Variants in SORCS3 observed in about 807,000 individuals in gnomAD.
SORCS3 encodes the protein VPS10 domain-containing receptor SorCS3.
A neutral mutation model predicts 146.3 loss-of-function variants in SORCS3; 57 were observed. That is an observed-to-expected ratio of 0.39 (90% CI 0.31 to 0.49). SORCS3 has a LOEUF of 0.49. Ranked by LOEUF, SORCS3 falls within the 20% of genes least tolerant of loss-of-function variation. The pLI is 0.92. For missense variants in SORCS3, 1,341 were observed against 1,575.5 expected, an observed-to-expected ratio of 0.85 and a Z score of 2.52; for synonymous variants, 653 against 618.5, an observed-to-expected ratio of 1.06 and a Z score of -0.83.
chr10:105,185,201 A>G (rs147915510), intron 14 of SORCS3, among the ~76,000 whole-genome samples: 6 of 152,364 alleles, frequency 3.9e-5, no homozygotes, highest in Non-Finnish European at 8.8e-5. Context: ...AACCCCACAT[A>G]TAAGTCTCAC....
intron 1 of SORCS3, among the ~76,000 whole-genome samples, chr10:104,807,431 T>C (rs2017690999): frequency 6.6e-6 from 1 of 152,194 alleles, no homozygotes; most frequent in Admixed American, 6.5e-5. Flanking sequence ...TACCATTTAA[T>C]CATTTCCTTT....
At chr10:105,103,393 A>C (rs1039424418) in intron 6 of SORCS3, among the ~76,000 whole-genome samples, 1 of 152,220 alleles carries the variant, frequency 6.6e-6, no homozygotes, top group African/African-American at 2.4e-5. Context: ...GGCACTCAGC[A>C]ATAGTGGTTG....
At chr10:105,171,060 A>G (rs1035704361) in intron 13 of SORCS3, among the ~76,000 whole-genome samples, 2 of 152,174 alleles carry the variant, frequency 1.3e-5, no homozygotes, top group East Asian at 1.9e-4. Context: ...TAATATTTGA[A>G]TAGGAAAAAG....
chr10:104,751,028 T>C (rs2016976671), intron 1 of SORCS3, among the ~76,000 whole-genome samples: 2 of 124,428 alleles, frequency 1.6e-5, no homozygotes, highest in African/African-American at 5.7e-5. Context: ...TATGGACAAA[T>C]TGGAAGACAT....
chr10:104,973,625 G>C (rs1054971163), intron 3 of SORCS3, among the ~76,000 whole-genome samples: 6 of 149,668 alleles, frequency 4.0e-5, no homozygotes, highest in Non-Finnish European at 8.9e-5. Context: ...TATCAATTTT[G>C]TTGATCCTTT....
intron 1 of SORCS3, among the ~76,000 whole-genome samples, chr10:104,820,039 A>G (rs563326489): frequency 1.4e-4 from 22 of 152,296 alleles, no homozygotes; most frequent in African/African-American, 5.3e-4. Flanking sequence ...ACTTAGTCTT[A>G]AGGAGATTCT....
intron 7 of SORCS3, among the ~76,000 whole-genome samples, chr10:105,106,709 A>G (rs948229957): frequency 6.6e-6 from 1 of 152,132 alleles, no homozygotes; most frequent in Non-Finnish European, 1.5e-5. Flanking sequence ...GTAGCTAGCC[A>G]CTCAAAAACC....
intron 1 of SORCS3, among the ~76,000 whole-genome samples, chr10:104,741,833 C>G (rs1405734665): frequency 6.8e-6 from 1 of 147,844 alleles, no homozygotes; most frequent in Non-Finnish European, 1.5e-5. Context: ...CTAAGACTTT[C>G]TATTTTTTCA....
intron 19 of SORCS3, among the ~76,000 whole-genome samples, chr10:105,218,481 G>C (rs1013271349): frequency 6.6e-6 from 1 of 152,178 alleles, no homozygotes; most frequent in African/African-American, 2.4e-5. Context: ...ATTCTGGTGG[G>C]GAAGTGGGGT....
At chr10:105,166,041 G>C (rs549150980) in intron 12 of SORCS3, among the ~76,000 whole-genome samples, 3 of 152,142 alleles carry the variant, frequency 2.0e-5, no homozygotes, top group Non-Finnish European at 2.9e-5. Flanking sequence ...TAACATTGCA[G>C]ACTCAGAGTC....
chr10:105,215,604 A>G (rs1295897195), intron 18 of SORCS3, among the ~76,000 whole-genome samples: 1 of 152,216 alleles, frequency 6.6e-6, no homozygotes, highest in Non-Finnish European at 1.5e-5. Flanking sequence ...CCAGGACCAC[A>G]GCTATAAAAA....
intron 3 of SORCS3, among the ~76,000 whole-genome samples, chr10:104,917,206 G>T (rs752514910): frequency 2.3e-4 from 35 of 152,090 alleles, no homozygotes; most frequent in Admixed American, 2.2e-3. Flanking sequence ...ACCTGTTATT[G>T]ATTTTATTTG....
At position 104,696,741 on chromosome 10, in the gene SORCS3, ATATT is replaced by A. The variant is rs997354823; in HGVS notation, c.627+54788_627+54791del. Among the ~76,000 whole-genome samples the A allele has an allele frequency of 7.0e-4, 75 of 107,520 alleles. 1 individual carries two copies. The highest frequency in any genetic ancestry group is 3.9e-3 in the Middle Eastern group (1 of 256). The allele number at this position is 107,520 out of a possible 152,430, so 70.5% of individuals were successfully genotyped here. A position where few individuals can be genotyped will look rare whatever the true frequency, so the allele number is the denominator to read the frequency against. On this transcript the variant is annotated intron_variant, in intron 1 of 26. Transcript: ENST00000369701. ...ATATAACATATATAATATATAATAT[ATATT>A]ATATACGTATATATAATATATATAA...
intron 14 of SORCS3, among the ~76,000 whole-genome samples, chr10:105,194,950 G>C (rs1295024690): frequency 6.6e-6 from 1 of 152,188 alleles, no homozygotes; most frequent in Non-Finnish European, 1.5e-5. Flanking sequence ...AGGTGATTCT[G>C]ATGTAGACAT....
chr10:104,870,640 C>T (rs781675996), intron 2 of SORCS3, among the ~76,000 whole-genome samples: 2 of 152,068 alleles, frequency 1.3e-5, no homozygotes, highest in Admixed American at 1.3e-4. Context: ...CGAGGGTAGA[C>T]CTCAGGATAA....
At chr10:104,839,665 A>G (rs1564695460) in intron 1 of SORCS3, among the ~76,000 whole-genome samples, 1 of 152,222 alleles carries the variant, frequency 6.6e-6, no homozygotes, top group Non-Finnish European at 1.5e-5. Flanking sequence ...TGCATGAATT[A>G]AGAGGTAAAA....
At chr10:105,092,846 AAAAACCT>A (rs2055719846) in intron 6 of SORCS3, among the ~76,000 whole-genome samples, 1 of 152,142 alleles carries the variant, frequency 6.6e-6, no homozygotes, top group Non-Finnish European at 1.5e-5. Flanking sequence ...GACATCTACA[AAAAACCT>A]AAAATTAACA....
Position 104,929,176 on chromosome 10 carries a change from T to G in SORCS3, c.795+13244T>G, listed in dbSNP as rs115818723. 5.9e-3 allele frequency among the ~76,000 whole-genome samples: 898 copies of G among 152,304 alleles called. 12 individuals are homozygous for G. Among genetic ancestry groups the G allele is most frequent in the African/African-American group, 0.021 (864 of 41,552 alleles). Reference sequence around the variant, plus strand: ...CTTGACTTCTCTAAGCCTTAGTTGTTTAATCTGTCAATGGGGCTCACAATA... The same window carrying G: ...CTTGACTTCTCTAAGCCTTAGTTGTGTAATCTGTCAATGGGGCTCACAATA... On this transcript the variant is annotated intron_variant, in intron 3 of 26. Coordinates refer to ENST00000369701, the MANE Select transcript of SORCS3 (RefSeq NM_014978.3).
intron 1 of SORCS3, among the ~76,000 whole-genome samples, chr10:104,834,513 T>C (rs1203898608): frequency 1.3e-5 from 2 of 152,140 alleles, no homozygotes; most frequent in African/African-American, 2.4e-5. Context: ...CAGTTTCTCA[T>C]AGAGGCCTCT....
Sources: gnomAD v4.1 joint callset for allele counts (sites outside exome capture counted in the v4.1 genomes callset) on GRCh38, gnomAD v4.1.1 for gene constraint, MANE v1.5 for transcripts, NCBI Gene and HGNC (gene_info 2026-07-23, HGNC 2026-07-21) for gene names.